DES: variants seen among roughly 807,000 people sequenced by gnomAD.
The protein encoded by DES is cardiomyopathy, dilated 1F (autosomal dominant).
A neutral mutation model predicts 55.1 loss-of-function variants in DES; 34 were observed. The ratio of observed to expected loss-of-function variants is 0.62; its 90% CI spans 0.47 to 0.82. The LOEUF is 0.82. DES is among the 40% of genes least tolerant of loss of function. The probability of loss-of-function intolerance (pLI) is 0.00; values close to 1 mark genes in which losing one functional copy is unlikely to be tolerated. For synonymous variants in DES, 259 were observed against 270.8 expected, an observed-to-expected ratio of 0.96 and a Z score of 0.43; for missense variants, 596 against 645.9, an observed-to-expected ratio of 0.92 and a Z score of 0.84.
chr2:219,422,463 C>CTTTTTTTTT (rs71040455), intron 6 of DES, among the ~76,000 whole-genome samples: 1,107 of 103,472 alleles, frequency 0.011, 133 homozygotes, highest in African/African-American at 0.037. Flanking sequence ...TGTTCTATAT[C>CTTTTTTTTT]TTTTTTTTTT....
chr2:219,421,204 A>T (rs1291444452), intron 5 of DES, 136 bp from the exon 6 acceptor site: 1 of 1,026,820 alleles, frequency 9.7e-7, no homozygotes, highest in Non-Finnish European at 1.5e-6. Context: ...GAGTGTTCAC[A>T]TATAGACTTA....
chr2:219,423,630 G>A (rs1247512467), intron 6 of DES, 147 bp from the exon 7 acceptor site: 13 of 716,338 alleles, frequency 1.8e-5, no homozygotes, highest in Non-Finnish European at 3.0e-5. Context: ...TAGTAGAGAC[G>A]GGGTTTCACT....
At position 219,425,971 on chromosome 2, in the gene DES, A is replaced by G; in HGVS notation, c.1394A>G (p.Gln465Arg). The G allele has an allele frequency of 6.2e-7, 1 of 1,614,038 alleles. No individual in the cohort carries two copies. ...DGEVVSEATQQQHEVL is the reference protein window; with the variant it reads ...DGEVVSEATQRQHEVL ...CAGGTCGTCAGTGAGGCCACACAGC[A>G]GCAGCATGAAGTGCTCTAAAGACAG... is the stretch of plus-strand genomic sequence containing the variant. The change falls in exon 9 of 9, where the codon CAG becomes CGG. Residue 465 changes from glutamine (Q) to arginine (R), a missense_variant. Gln to Arg is a conservative substitution (Grantham distance 43). Coordinates refer to ENST00000373960, the MANE Select transcript of DES (RefSeq NM_001927.4).
intron 7 of DES, 51 bp from the exon 8 acceptor site, chr2:219,425,612 T>G (rs1439077751): frequency 6.6e-7 from 1 of 1,518,800 alleles, no homozygotes; most frequent in African/African-American, 1.4e-5. Flanking sequence ...GCCCCTGGTA[T>G]AGCCCAGCCT....
rs71040455 is a variant in DES at position 219,422,463 on chromosome 2, C to CTTTTTTTTTTTT, written c.1244+911_1244+922dup. Among the ~76,000 whole-genome samples, 749 of 103,452 alleles carry CTTTTTTTTTTTT rather than the reference C, an allele frequency of 7.2e-3. 36 individuals are homozygous for CTTTTTTTTTTTT. Among genetic ancestry groups the CTTTTTTTTTTTT allele is most frequent in the African/African-American group, 7.8e-3 (195 of 25,076 alleles). The allele number at this position is 103,452 out of a possible 152,430, so 67.9% of individuals were successfully genotyped here. Reference sequence around the variant, plus strand: ...GTGGGATAACAGAAATGTTCTATATCTTTTTTTTTTTTTTTTTTTGAGACA... The same window carrying CTTTTTTTTTTTT: ...GTGGGATAACAGAAATGTTCTATATCTTTTTTTTTTTTTTTTTTTTTTTTTTTTTTTGAGACA... On this transcript the variant is annotated intron_variant, in intron 6 of 8. Coordinates refer to ENST00000373960, the MANE Select transcript of DES (RefSeq NM_001927.4).
In DES at chr2:219,425,694, C is replaced by T; in HGVS notation, c.1320C>T (p.Val440=). Reference sequence around the variant, plus strand: ...GCCCTGAGCAAAGGGGTTCTGAGGTCCATACCAAGAAGACGGTGATGATCA... The same window carrying T: ...GCCCTGAGCAAAGGGGTTCTGAGGTTCATACCAAGAAGACGGTGATGATCA... ...ETSPEQRGSE[V]HTKKTVMIKT... is the part of the protein sequence containing the mutation. Residue 440 remains valine, a synonymous_variant, in exon 8 of 9, where the codon GTC becomes GTT. Transcript: ENST00000373960. 2 of 1,593,780 alleles carry T rather than the reference C, an allele frequency of 1.3e-6. No individual in the cohort carries two copies. Among genetic ancestry groups the T allele is most frequent in the South Asian group, 1.1e-5 (1 of 87,028 alleles).
rs1372908743 is a variant in DES at position 219,419,742 on chromosome 2, T to C, written c.579-353T>C. Among the ~76,000 whole-genome samples, 1 of 152,194 alleles carries C rather than the reference T, an allele frequency of 6.6e-6. No individual in the cohort carries two copies. The stretch of plus-strand genomic sequence containing the variant: ...ACAGGCCAAGTGAGCACAGTCACCC[T>C]CCTGCCACCAAAGTCATAAATATTA... On this transcript the variant is annotated intron_variant, in intron 1 of 8. Coordinates refer to ENST00000373960, the MANE Select transcript of DES (RefSeq NM_001927.4). The surrounding 1 kb of genome is among the most constrained non-coding windows in gnomAD (Gnocchi z 4.3).
chr2:219,425,820 C>T, intron 8 of DES, 75 bp downstream of exon 8: 2 of 1,598,326 alleles, frequency 1.3e-6, no homozygotes, highest in Non-Finnish European at 1.7e-6. Flanking sequence ...TTCCACCCAG[C>T]TGTGCTGGTC....
At chr2:219,423,917 G>A (rs1172990432) in intron 7 of DES, 97 bp downstream of exon 7, 8 of 1,364,058 alleles carry the variant, frequency 5.9e-6, no homozygotes, top group South Asian at 4.7e-5. Context: ...ATGGGACCCT[G>A]GGGCTAGGGA....
At chr2:219,422,242 G>A (rs528691759) in intron 6 of DES, among the ~76,000 whole-genome samples, 1 of 152,142 alleles carries the variant, frequency 6.6e-6, no homozygotes, top group South Asian at 2.1e-4. Flanking sequence ...GAGAGAGGGA[G>A]GGAGAGAAGC....
intron 7 of DES, among the ~76,000 whole-genome samples, 196 bp downstream of exon 7, chr2:219,424,016 G>A (rs961904024): frequency 6.6e-6 from 1 of 152,246 alleles, no homozygotes; most frequent in Non-Finnish European, 1.5e-5. Context: ...TTATGACAGA[G>A]AGAGCTTTTT....
intron 5 of DES, 112 bp downstream of exon 5, chr2:219,421,065 A>G (rs1171864858): frequency 1.4e-6 from 2 of 1,456,408 alleles, no homozygotes; most frequent in African/African-American, 2.8e-5. Context: ...ATCTACTTAA[A>G]TCTACAATAG....
rs1419136135 is a variant in DES at position 219,421,552 on chromosome 2, G to A, written c.1236G>A (p.Glu412=). 1 of 1,613,836 alleles carries A rather than the reference G, an allele frequency of 6.2e-7. No homozygotes were observed. Among genetic ancestry groups the A allele is most frequent in the Non-Finnish European group, 8.5e-7 (1 of 1,179,842 alleles). The change falls in exon 6 of 9, where the codon GAG becomes GAA. Residue 412 remains glutamate, a synonymous_variant. Coordinates refer to ENST00000373960, the MANE Select transcript of DES (RefSeq NM_001927.4). ...CCTACCGGAAGCTGCTGGAGGGAGA[G>A]GAGAGCCGGTGAGGGGCCAGGCAGG... ...IATYRKLLEG[E]ESRINLPIQT...
rs1464378565 is a variant in DES, at chr2:219,418,940, C to T, written c.478C>T (p.Arg160Trp). 3.9e-6 allele frequency: 6 copies of T among 1,557,184 alleles called. No individual in the cohort carries two copies. Among genetic ancestry groups the T allele is most frequent in the Non-Finnish European group, 5.2e-6 (6 of 1,150,492 alleles). The change falls in exon 1 of 9, where the codon CGG becomes TGG. Residue 160 changes from arginine to tryptophan, a missense_variant. Coordinates refer to ENST00000373960, the MANE Select transcript of DES (RefSeq NM_001927.4). ...GGCCGAGCTCTACGAGGAGGAGCTGCGGGAGCTGCGGCGCCAGGTGGAGGT... is the reference window on the plus strand; with the variant it reads ...GGCCGAGCTCTACGAGGAGGAGCTGTGGGAGCTGCGGCGCCAGGTGGAGGT... Reference protein sequence around the residue: ...RVAELYEEELRELRRQVEVLT... With the variant: ...RVAELYEEELWELRRQVEVLT...
At chr2:219,421,886 G>A (rs1233425213) in intron 6 of DES, among the ~76,000 whole-genome samples, 7 of 151,922 alleles carry the variant, frequency 4.6e-5, no homozygotes, top group South Asian at 2.1e-4. Flanking sequence ...AGCTGGTCTC[G>A]AACTCCTGAC....
chr2:219,420,337 G>A lies in DES; in HGVS notation c.726G>A (p.Val242=), dbSNP rs745782708. The A allele has an allele frequency of 3.7e-6, 6 of 1,614,066 alleles. 1 individual carries two copies. In the South Asian group the frequency reaches 6.6e-5, roughly 18 times the overall value. The change falls in exon 3 of 9, where the codon GTG becomes GTA. Residue 242 remains valine (V), a synonymous_variant. Transcript: ENST00000373960. This position sits in a 1 kb window ranked among gnomAD's most constrained non-coding sequence, Gnocchi z 6.0. The part of the protein sequence containing the change: ...LNEEIAFLKK[V]HEEEIRELQA... ...AGGAGATCGCGTTCCTTAAGAAAGT[G>A]CATGAAGAGGTATACCTTGGCCCCT...
chr2:219,426,261 A>G lies in DES; in HGVS notation c.*271A>G. 1.7e-6 allele frequency: 1 copy of G among 600,806 alleles called. No homozygotes were observed. The highest frequency in any genetic ancestry group is 1.9e-5 in the South Asian group (1 of 53,130). 37.2% of individuals were successfully genotyped at this position (600,806 alleles called of 1,614,324 possible). A position where few individuals can be genotyped will look rare whatever the true frequency, so the allele number is the denominator to read the frequency against. On this transcript the variant is annotated 3_prime_UTR_variant, in exon 9 of 9. Coordinates refer to ENST00000373960, the MANE Select transcript of DES (RefSeq NM_001927.4). This position sits in a 1 kb window ranked among gnomAD's most constrained non-coding sequence, Gnocchi z 4.5. ...TGAGCCTGGCTCTTGTGCTGGATGG[A>G]GCCCAGGCGGGAGCGGTGGCCCTGT...
In DES at chr2:219,425,647, A is replaced by G; in HGVS notation, c.1289-16A>G. 6.4e-7 allele frequency: 1 copy of G among 1,560,512 alleles called. No homozygotes were observed. The highest frequency in any genetic ancestry group is 8.7e-7 in the Non-Finnish European group (1 of 1,151,758). On this transcript the variant is annotated splice_polypyrimidine_tract_variant and intron_variant, in intron 7 of 8. Transcript: ENST00000373960. ...TGGACTTGGTCAGGCTGAGTGTGCGATGGACCCTGTTACAGAAACCAGCCC... is the reference window on the plus strand; with the variant it reads ...TGGACTTGGTCAGGCTGAGTGTGCGGTGGACCCTGTTACAGAAACCAGCCC...
chr2:219,418,959 T>G lies in DES; in HGVS notation c.497T>G (p.Val166Gly). ...GAGCTGCGGGAGCTGCGGCGCCAGGTGGAGGTGCTCACTAACCAGCGCGCG... is the reference window on the plus strand; with the variant it reads ...GAGCTGCGGGAGCTGCGGCGCCAGGGGGAGGTGCTCACTAACCAGCGCGCG... ...EEELRELRRQ[V>G]EVLTNQRARV... The change falls in exon 1 of 9, where the codon GTG (valine) becomes GGG (glycine). Residue 166 changes from valine (V) to glycine (G), a missense_variant. By Grantham distance (109) the Val-to-Gly change is moderately radical. Coordinates refer to ENST00000373960, the MANE Select transcript of DES (RefSeq NM_001927.4). The G allele has an allele frequency of 6.4e-7, 1 of 1,555,366 alleles. No individual in the cohort carries two copies. The highest frequency in any genetic ancestry group is 1.2e-5 in the South Asian group (1 of 84,470).
Sources: allele counts gnomAD v4.1 joint callset (sites outside exome capture counted in the v4.1 genomes callset), GRCh38; gene constraint gnomAD v4.1.1; non-coding constraint Gnocchi (gnomAD v3.1); transcripts MANE v1.5; gene names NCBI Gene and HGNC (gene_info 2026-07-23, HGNC 2026-07-21).